Variants in TTLL3 observed in about 807,000 individuals in gnomAD.
TTLL3 encodes the protein tubulin monoglycylase TTLL3.
A neutral mutation model predicts 75.2 loss-of-function variants in TTLL3; 63 were observed. The ratio of observed to expected loss-of-function variants is 0.84; its 90% CI spans 0.68 to 1.03. The LOEUF is 1.03. TTLL3 is among the 50% of genes least tolerant of loss of function. The pLI is 0.00. For synonymous variants in TTLL3, 393 were observed against 418.5 expected (o/e 0.94, Z 0.74); for missense variants, 997 against 1,069.9 (o/e 0.93, Z 0.95).
chr3:9,817,644 G>C lies in TTLL3; in HGVS notation c.445-1G>C. 1 of 1,614,086 alleles carries C rather than the reference G, an allele frequency of 6.2e-7. No individual in the cohort carries two copies. The highest frequency in any genetic ancestry group is 8.5e-7 in the Non-Finnish European group (1 of 1,180,038). On this transcript the variant is annotated splice_acceptor_variant, in intron 5 of 13. Transcript: ENST00000685419. LOFTEE classifies it high-confidence loss of function. ...TGCCCTCTCAGTGGCTAACTCCGTA[G>C]GTGGGTCTATGTCTCAATCTCCGGA...
In TTLL3 at chr3:9,835,279, G is replaced by A. The variant is rs754614100; in HGVS notation, c.2238G>A (p.Leu746=). ...AGAGGCTGAGCCCCCTGAAACCCCTGCCCCTTGTTGGTACATTCCAGAGGC... is the reference window on the plus strand; with the variant it reads ...AGAGGCTGAGCCCCCTGAAACCCCTACCCCTTGTTGGTACATTCCAGAGGC... The part of the protein sequence containing the change: ...PMKRLSPLKP[L]PLVGTFQRRR... The change falls in exon 14 of 14, where the codon CTG becomes CTA. Residue 746 remains leucine, a synonymous_variant. Coordinates refer to ENST00000685419, the MANE Select transcript of TTLL3 (RefSeq NM_001387446.1). 1.9e-6 allele frequency: 3 copies of A among 1,614,162 alleles called. No individual in the cohort carries two copies. Among genetic ancestry groups the A allele is most frequent in the Non-Finnish European group, 2.5e-6 (3 of 1,180,012 alleles).
chr3:9,827,715 C>T (rs2081178921), intron 10 of TTLL3: 1 of 192,560 alleles, frequency 5.2e-6, no homozygotes, highest in Admixed American at 5.4e-5. Flanking sequence ...CGAGTGTGTA[C>T]CTTGTGCCAT....
chr3:9,831,935 A>G (rs187011357), intron 11 of TTLL3, among the ~76,000 whole-genome samples: 1 of 150,958 alleles, frequency 6.6e-6, no homozygotes, highest in Non-Finnish European at 1.5e-5. Flanking sequence ...CTGGGATTAC[A>G]GGCGCCCACC....
intron 6 of TTLL3, chr3:9,818,047 C>T (rs1330335180): frequency 3.4e-6 from 1 of 294,316 alleles, no homozygotes; most frequent in Admixed American, 4.7e-5. Flanking sequence ...AGAACAGATT[C>T]CAGGCTTATA....
intron 5 of TTLL3, chr3:9,817,317 T>G (rs913248538): frequency 2.0e-6 from 1 of 511,508 alleles, no homozygotes; most frequent in Non-Finnish European, 2.5e-6. Flanking sequence ...CCAGCTACTC[T>G]GGAGGCCGAG....
rs747345125 is a variant in TTLL3, at chr3:9,825,687, G to A, written c.855-113G>A. ...ACCTATGGATATCTGCAGGGAGGGC[G>A]TGACCAAGGCTGCCTGGATGACGGC... On this transcript the variant is annotated intron_variant, in intron 8 of 13. Transcript: ENST00000685419. 58 of 1,590,478 alleles carry A rather than the reference G, an allele frequency of 3.6e-5. 2 individuals are homozygous for A. Among genetic ancestry groups the A allele is most frequent in the South Asian group, 9.1e-5 (8 of 88,204 alleles).
chr3:9,820,275 G>A, intron 7 of TTLL3: 3 of 1,279,472 alleles, frequency 2.3e-6, no homozygotes, highest in Non-Finnish European at 3.0e-6. Flanking sequence ...GGGCAGAGAG[G>A]CTATAGGTGC....
intron 5 of TTLL3, among the ~76,000 whole-genome samples, chr3:9,816,671 A>C (rs1454009609): frequency 1.3e-5 from 2 of 151,894 alleles, no homozygotes; most frequent in Non-Finnish European, 2.9e-5. Flanking sequence ...GCGTGTCACC[A>C]CACCTGGCTG....
rs1197598761 is a variant in TTLL3, at chr3:9,825,545, T to C, written c.855-255T>C. On this transcript the variant is annotated intron_variant, in intron 8 of 13. Coordinates refer to ENST00000685419, the MANE Select transcript of TTLL3 (RefSeq NM_001387446.1). ...GGAAGGGGGTGGCACAGGTGGAGTG[T>C]TGGAGTAGGGGGTGGTTTGCAGTTA... 7.3e-6 allele frequency: 4 copies of C among 546,906 alleles called. No individual in the cohort carries two copies. In the East Asian group the frequency reaches 1.3e-4, roughly 18 times the overall value. 33.9% of individuals were successfully genotyped at this position (546,906 alleles called of 1,614,324 possible). A position where few individuals can be genotyped will look rare whatever the true frequency, so the allele number is the denominator to read the frequency against.
chr3:9,815,855 A>G (rs1490346312), intron 4 of TTLL3, among the ~76,000 whole-genome samples: 2 of 152,248 alleles, frequency 1.3e-5, no homozygotes, highest in East Asian at 1.9e-4. Flanking sequence ...CCTAAGGCCA[A>G]AAGGAGGCTG....
chr3:9,817,677 G>C lies in TTLL3; in HGVS notation c.477G>C (p.Pro159=), dbSNP rs367644529. 9.3e-6 allele frequency: 15 copies of C among 1,614,032 alleles called. No individual in the cohort carries two copies. The highest frequency in any genetic ancestry group is 1.3e-5 in the Non-Finnish European group (15 of 1,180,032). ...VGLCLNLRNL[P]WFDEVDANSF... ...TATGTCTCAATCTCCGGAATTTGCC[G>C]TGGTTTGATGAGGTTGATGCCAACT... Residue 159 remains proline (P), a synonymous_variant, in exon 6 of 14, where the codon CCG becomes CCC. Transcript: ENST00000685419.
rs765118646 is a variant in TTLL3, at chr3:9,817,696, G to A, written c.496G>A (p.Ala166Thr). 8 of 1,614,024 alleles carry A rather than the reference G, an allele frequency of 5.0e-6. No homozygotes were observed. The highest frequency in any genetic ancestry group is 1.3e-5 in the African/African-American group (1 of 74,910). ...RNLPWFDEVDANSFFPRCYCL... is the reference protein window; with the variant it reads ...RNLPWFDEVDTNSFFPRCYCL... ...TTTGCCGTGGTTTGATGAGGTTGAT[G>A]CCAACTCCTTCTTCCCACGCTGCTA... The change falls in exon 6 of 14, where the codon GCC becomes ACC. Residue 166 changes from alanine to threonine, a missense_variant. Transcript: ENST00000685419.
In TTLL3 at chr3:9,829,028, T is replaced by C. The variant is rs779074247; in HGVS notation, c.1316T>C (p.Leu439Pro). 5.0e-6 allele frequency: 8 copies of C among 1,614,108 alleles called. No homozygotes were observed. In the South Asian group the frequency reaches 7.7e-5, roughly 16 times the overall value. ...AACTCATGCCATCGGCATCCACTGC[T>C]TCCGCCAGACAACATGTGGTCTAGC... ...LENSCHRHPL[L>P]PPDNMWSSQR... Residue 439 changes from leucine (L) to proline (P), a missense_variant, in exon 11 of 14, where the codon CTT becomes CCT. Coordinates refer to ENST00000685419, the MANE Select transcript of TTLL3 (RefSeq NM_001387446.1).
At chr3:9,820,439 G>C in intron 7 of TTLL3, 107 bp from the exon 8 acceptor site, 2 of 1,554,394 alleles carry the variant, frequency 1.3e-6, no homozygotes, top group South Asian at 1.2e-5. Context: ...ATCTAGGTTC[G>C]TGCTGGGCCT....
At chr3:9,822,062 CTTTTT>C (rs1201552537) in intron 8 of TTLL3, among the ~76,000 whole-genome samples, 2 of 75,358 alleles carry the variant, frequency 2.7e-5, no homozygotes, top group African/African-American at 5.1e-5. Context: ...GCACGAGTCC[CTTTTT>C]TTTTTTTTTT....
Position 9,834,882 on chromosome 3 carries a change from C to T in TTLL3, c.2027C>T (p.Ala676Val), listed in dbSNP as rs1227183258. ...CCACCGAACCTTGATTTCAAGGTGGCACCCAGCATCCTGAAGCCAAGAAAG... is the reference window on the plus strand; with the variant it reads ...CCACCGAACCTTGATTTCAAGGTGGTACCCAGCATCCTGAAGCCAAGAAAG... ...SLPPNLDFKV[A>V]PSILKPRKAP... is the part of the protein sequence containing the mutation. Residue 676 changes from alanine to valine, a missense_variant, in exon 13 of 14, where the codon GCA (alanine) becomes GTA (valine). By Grantham distance (64) the Ala-to-Val change is moderately conservative. Coordinates refer to ENST00000685419, the MANE Select transcript of TTLL3 (RefSeq NM_001387446.1). 6.2e-7 allele frequency: 1 copy of T among 1,614,130 alleles called. No individual in the cohort carries two copies. The highest frequency in any genetic ancestry group is 1.7e-5 in the Admixed American group (1 of 60,012).
intron 12 of TTLL3, among the ~76,000 whole-genome samples, chr3:9,833,716 G>C (rs1271267482): frequency 6.6e-6 from 1 of 152,128 alleles, no homozygotes; most frequent in South Asian, 2.1e-4. Context: ...ACGGTGGTGT[G>C]AGCCTGTGGT....
chr3:9,835,666 A>T lies in TTLL3; in HGVS notation c.*177A>T. 1.6e-6 allele frequency: 1 copy of T among 632,080 alleles called. No individual in the cohort carries two copies. The highest frequency in any genetic ancestry group is 2.6e-6 in the Non-Finnish European group (1 of 386,392). 39.2% of individuals were successfully genotyped at this position (632,080 alleles called of 1,614,324 possible). A position where few individuals can be genotyped will look rare whatever the true frequency, so the allele number is the denominator to read the frequency against. On this transcript the variant is annotated 3_prime_UTR_variant, in exon 14 of 14. Coordinates refer to ENST00000685419, the MANE Select transcript of TTLL3 (RefSeq NM_001387446.1). ...GAGGAGGCATGGCTTACCCAAGATC[A>T]CGTGGCAGTGAGTCGACGCAGGGAC...
chr3:9,830,487 A>G (rs2081416255), intron 11 of TTLL3, among the ~76,000 whole-genome samples: 1 of 152,204 alleles, frequency 6.6e-6, no homozygotes, highest in Middle Eastern at 3.2e-3. Flanking sequence ...GTTTGGTTAC[A>G]GGAAGAGAAC....
Sources: gnomAD v4.1 joint callset for allele counts (sites outside exome capture counted in the v4.1 genomes callset) on GRCh38, gnomAD v4.1.1 for gene constraint, MANE v1.5 for transcripts, NCBI Gene and HGNC (gene_info 2026-07-23, HGNC 2026-07-21) for gene names.